Variants in CD80 observed in about 807,000 individuals in gnomAD.
CD80 encodes T-lymphocyte activation antigen CD80.
In CD80, 13 loss-of-function variants were observed where a neutral mutation model predicts 27.1. The observed-to-expected ratio is 0.48, with a 90% CI of 0.31 to 0.76. CD80 has a LOEUF of 0.76. Ranked by LOEUF, CD80 falls within the 30% of genes least tolerant of loss-of-function variation. CD80 has a pLI of 0.04. For missense variants in CD80, 277 were observed against 347.9 expected (o/e 0.80, Z 1.62); for synonymous variants, 125 against 125.5 (o/e 1.00, Z 0.03).
chr3:119,528,239 AGAC>A (rs2082089440), intron 5 of CD80, among the ~76,000 whole-genome samples: 3 of 152,208 alleles, frequency 2.0e-5, no homozygotes. Context: ...TGAGCCCACC[AGAC>A]CTCTTTATCC....
At chr3:119,533,797 A>G (rs2082122272) in intron 4 of CD80, among the ~76,000 whole-genome samples, 1 of 152,162 alleles carries the variant, frequency 6.6e-6, no homozygotes. Flanking sequence ...AGCAGCATGA[A>G]AAGGGACTAA....
At chr3:119,555,345 A>G (rs547865401) in intron 2 of CD80, among the ~76,000 whole-genome samples, 1 of 152,314 alleles carries the variant, frequency 6.6e-6, no homozygotes, top group East Asian at 1.9e-4. Context: ...AATGACTTAT[A>G]TCTATCATTA....
At chr3:119,552,513 C>CA (rs11369803) in intron 2 of CD80, among the ~76,000 whole-genome samples, 12,810 of 31,212 alleles carry the variant, frequency 0.41, 3,723 homozygotes, top group Non-Finnish European at 0.57. Context: ...GACTCTGTCT[C>CA]AAAAAAAAAA....
chr3:119,536,539 A>T (rs1443790088), intron 4 of CD80, among the ~76,000 whole-genome samples: 1 of 151,930 alleles, frequency 6.6e-6, no homozygotes, highest in South Asian at 2.1e-4. Context: ...TCAGAGTCTC[A>T]TGCTTCCCAG....
At chr3:119,529,783 T>G in intron 5 of CD80, 59 bp downstream of exon 5, 1 of 1,166,560 alleles carries the variant, frequency 8.6e-7, no homozygotes, top group Non-Finnish European at 1.3e-6. Context: ...TGCCGAACCA[T>G]GGTAATAAAG....
At chr3:119,545,156 C>A (rs1358645756) in intron 2 of CD80, among the ~76,000 whole-genome samples, 1 of 152,088 alleles carries the variant, frequency 6.6e-6, no homozygotes, top group Non-Finnish European at 1.5e-5. Flanking sequence ...CCAGCCGGGC[C>A]AACATGGTGA....
At chr3:119,540,445 C>CT (rs535779033) in intron 3 of CD80, among the ~76,000 whole-genome samples, 72 of 148,326 alleles carry the variant, frequency 4.9e-4, no homozygotes, top group African/African-American at 1.4e-3. Context: ...GTGAAGTTAC[C>CT]TTTTTTTTTT....
chr3:119,548,474 G>A (rs919912253), intron 2 of CD80, among the ~76,000 whole-genome samples: 3 of 152,166 alleles, frequency 2.0e-5, no homozygotes, highest in Non-Finnish European at 2.9e-5. Flanking sequence ...AGCCCCAGGG[G>A]ATATGAAAGT....
At chr3:119,552,631 A>G (rs879896018) in intron 2 of CD80, among the ~76,000 whole-genome samples, 18 of 152,064 alleles carry the variant, frequency 1.2e-4, no homozygotes, top group Admixed American at 2.0e-4. Flanking sequence ...AGCCCAGGAA[A>G]TCGAGACCAG....
chr3:119,543,580 C>A, intron 3 of CD80, among the ~76,000 whole-genome samples: 1 of 151,692 alleles, frequency 6.6e-6, no homozygotes, highest in East Asian at 2.0e-4. Context: ...CCTCAGCCTC[C>A]TGAGTAGCCA....
chr3:119,554,403 A>G (rs1419229235), intron 2 of CD80, among the ~76,000 whole-genome samples: 1 of 152,134 alleles, frequency 6.6e-6, no homozygotes, highest in African/African-American at 2.4e-5. Context: ...CCTCTCTTAA[A>G]GGACTCCAGC....
chr3:119,531,281 C>T (rs2082109824), intron 4 of CD80, among the ~76,000 whole-genome samples: 1 of 152,244 alleles, frequency 6.6e-6, no homozygotes. Flanking sequence ...TACAGAATCC[C>T]CACATCTGGA....
At chr3:119,537,608 C>T (rs966120641) in intron 3 of CD80, among the ~76,000 whole-genome samples, 190 bp from the exon 4 acceptor site, 8 of 152,196 alleles carry the variant, frequency 5.3e-5, no homozygotes, top group African/African-American at 1.9e-4. Flanking sequence ...TTGAGACCAG[C>T]CTGGCTAACA....
intron 2 of CD80, among the ~76,000 whole-genome samples, chr3:119,546,015 A>T (rs931918909): frequency 1.3e-5 from 2 of 152,252 alleles, no homozygotes; most frequent in Admixed American, 1.3e-4. Flanking sequence ...GTGATTGCAT[A>T]AAAAACAAAT....
intron 3 of CD80, among the ~76,000 whole-genome samples, chr3:119,538,458 A>G (rs1461103063): frequency 6.6e-6 from 1 of 152,216 alleles, no homozygotes; most frequent in Non-Finnish European, 1.5e-5. Flanking sequence ...ATCTGCTGGT[A>G]TGATGTCACC....
chr3:119,547,706 G>A (rs1296624383), intron 2 of CD80, among the ~76,000 whole-genome samples: 3 of 152,158 alleles, frequency 2.0e-5, no homozygotes, highest in Non-Finnish European at 1.5e-5. Context: ...AGTAGAACCG[G>A]GTTGTCACTT....
chr3:119,537,016 G>A (rs995495738), intron 4 of CD80, 121 bp downstream of exon 4: 35 of 908,754 alleles, frequency 3.9e-5, no homozygotes, highest in Non-Finnish European at 5.9e-5. Flanking sequence ...CTGATGTTCA[G>A]ACAATGACAG....
chr3:119,548,927 C>G lies in CD80; in HGVS notation c.101-4060G>C, dbSNP rs2082215396. On this transcript the variant is annotated intron_variant, in intron 2 of 6. Transcript: ENST00000264246. ...TGGGACACACCTGTAATCCCAGCTACTTAGGAGGCTGAGGCAGGAGAATCA... is the reference window on the plus strand; with the variant it reads ...TGGGACACACCTGTAATCCCAGCTAGTTAGGAGGCTGAGGCAGGAGAATCA... 3.9e-5 allele frequency among the ~76,000 whole-genome samples: 6 copies of G among 152,152 alleles called. No homozygotes were observed. In the South Asian group the frequency reaches 1.2e-3, roughly 32 times the overall value.
At position 119,527,773 on chromosome 3, in the gene CD80, A is replaced by T; in HGVS notation, c.865T>A (p.Ter289LysextTer12). Reference sequence around the variant, plus strand: ...GCCCCTTGCTTCTGCGGACACTGTTATACAGGGCGTACACTTTCCCTTCTC... The same window carrying T: ...GCCCCTTGCTTCTGCGGACACTGTTTTACAGGGCGTACACTTTCCCTTCTC... The part of the protein sequence containing the change: ...RLRRESVRPV[*>K] The change falls in exon 6 of 7, where the codon TAA becomes AAA. Residue 289 changes from the stop codon to lysine, a stop_lost. Coordinates refer to ENST00000264246, the MANE Select transcript of CD80 (RefSeq NM_005191.4). 2 of 1,613,460 alleles carry T rather than the reference A, an allele frequency of 1.2e-6. No individual in the cohort carries two copies. The highest frequency in any genetic ancestry group is 2.2e-5 in the South Asian group (2 of 91,066).
Sources: gnomAD v4.1 joint callset for allele counts (sites outside exome capture counted in the v4.1 genomes callset) on GRCh38, gnomAD v4.1.1 for gene constraint, MANE v1.5 for transcripts, NCBI Gene and HGNC (gene_info 2026-07-23, HGNC 2026-07-21) for gene names.